The following ZSWIM5 variants were observed in gnomAD, a reference collection of about 807,000 sequenced individuals.
The protein encoded by ZSWIM5 is zinc finger SWIM-type containing 5.
A neutral mutation model predicts 119.6 loss-of-function variants in ZSWIM5; 55 were observed. The observed-to-expected ratio is 0.46, with a 90% CI of 0.37 to 0.58. The LOEUF (loss-of-function observed/expected upper bound fraction) is 0.58, where lower values mean the gene tolerates loss of function less well. Ranked by LOEUF, ZSWIM5 falls within the 20% of genes least tolerant of loss-of-function variation. ZSWIM5 has a pLI of 0.00. For synonymous variants in ZSWIM5, 537 were observed against 606.9 expected (o/e 0.88, Z 1.69); for missense variants, 1,193 against 1,512.8 (o/e 0.79, Z 3.51).
At chr1:45,044,648 C>T (rs1211105648) in intron 5 of ZSWIM5, among the ~76,000 whole-genome samples, 9 of 125,012 alleles carry the variant, frequency 7.2e-5, no homozygotes, top group Middle Eastern at 4.0e-3. Flanking sequence ...GGCGTGAACC[C>T]GGAAGGCGGA....
In ZSWIM5 at chr1:45,153,320, G is replaced by A. The variant is rs148106925; in HGVS notation, c.595+52436C>T. On this transcript the variant is annotated intron_variant, in intron 1 of 13. Coordinates refer to ENST00000359600, the MANE Select transcript of ZSWIM5 (RefSeq NM_020883.2). Reference sequence around the variant, plus strand: ...GCAGATTACCCGAGGTCAGAAGTTCGAGACCAGCCTGGCCAACATTGCGAA... The same window carrying A: ...GCAGATTACCCGAGGTCAGAAGTTCAAGACCAGCCTGGCCAACATTGCGAA... Among the ~76,000 whole-genome samples the A allele has an allele frequency of 7.2e-5, 11 of 151,748 alleles. No homozygotes were observed. The East Asian group carries it at 1.4e-3, about 19-fold the overall frequency.
At chr1:45,098,178 A>T (rs1473526262) in intron 1 of ZSWIM5, among the ~76,000 whole-genome samples, 1 of 152,172 alleles carries the variant, frequency 6.6e-6, no homozygotes, top group East Asian at 1.9e-4. Flanking sequence ...AAGAGAAAGA[A>T]GACCAGTGAC....
chr1:45,108,118 C>T (rs149131989), intron 1 of ZSWIM5, among the ~76,000 whole-genome samples: 2 of 152,292 alleles, frequency 1.3e-5, no homozygotes, highest in African/African-American at 4.8e-5. Context: ...TCCTTTTCAG[C>T]TCACAGATTT....
At chr1:45,114,758 G>A (rs887819142) in intron 1 of ZSWIM5, among the ~76,000 whole-genome samples, 1 of 151,956 alleles carries the variant, frequency 6.6e-6, no homozygotes, top group Non-Finnish European at 1.5e-5. Context: ...ATGTGAACAA[G>A]GGTCTCTGGT....
intron 8 of ZSWIM5, among the ~76,000 whole-genome samples, chr1:45,037,865 G>T (rs573134083): frequency 6.6e-6 from 1 of 152,136 alleles, no homozygotes; most frequent in African/African-American, 2.4e-5. Flanking sequence ...AAGTAAGCAC[G>T]GTTTAAAAGT....
At chr1:45,168,664 CA>C (rs1024002696) in intron 1 of ZSWIM5, among the ~76,000 whole-genome samples, 430 of 39,234 alleles carry the variant, frequency 0.011, no homozygotes, top group Non-Finnish European at 0.013. Flanking sequence ...GACTCCATCT[CA>C]AAAAAAAAAA....
intron 1 of ZSWIM5, among the ~76,000 whole-genome samples, chr1:45,183,645 C>G (rs1476377392): frequency 1.3e-5 from 2 of 152,158 alleles, no homozygotes; most frequent in African/African-American, 2.4e-5. Context: ...ACTAGAAAAT[C>G]TAGAAGAAAT....
At chr1:45,167,511 G>T (rs1295304187) in intron 1 of ZSWIM5, among the ~76,000 whole-genome samples, 11 of 152,096 alleles carry the variant, frequency 7.2e-5, no homozygotes, top group African/African-American at 2.6e-4. Context: ...CACAGCAAAA[G>T]AAACTACCAT....
At chr1:45,156,736 A>G (rs76652848) in intron 1 of ZSWIM5, among the ~76,000 whole-genome samples, 2 of 151,528 alleles carry the variant, frequency 1.3e-5, no homozygotes, top group Non-Finnish European at 2.9e-5. Context: ...AAAAAAAAAA[A>G]AAGAACACAC....
intron 4 of ZSWIM5, among the ~76,000 whole-genome samples, chr1:45,053,127 CAAAAAAAA>C (rs60199581): frequency 4.7e-4 from 58 of 122,176 alleles, no homozygotes; most frequent in South Asian, 1.8e-3. Flanking sequence ...CCGTCTCAAA[CAAAAAAAA>C]AAAAAAAAAG....
Position 45,043,199 on chromosome 1 carries a change from T to C in ZSWIM5, c.1609+20A>G, listed in dbSNP as rs1570014309. 3 of 1,611,486 alleles carry C rather than the reference T, an allele frequency of 1.9e-6. No homozygotes were observed. In the East Asian group the frequency reaches 6.7e-5, roughly 36 times the overall value. On this transcript the variant is annotated intron_variant, in intron 6 of 13. Transcript: ENST00000359600. ...GAAGTGAGGGTGGCTCTAAAGTTCT[T>C]AGAGGAGGGCTAGACTTACCAAGCC...
At chr1:45,171,648 GTATAAT>G (rs1231223021) in intron 1 of ZSWIM5, among the ~76,000 whole-genome samples, 1 of 151,892 alleles carries the variant, frequency 6.6e-6, no homozygotes, top group African/African-American at 2.4e-5. Context: ...AAGTGCAAAG[GTATAAT>G]TATAAAGAAA....
intron 1 of ZSWIM5, among the ~76,000 whole-genome samples, chr1:45,138,024 C>T (rs747193177): frequency 1.1e-4 from 16 of 152,100 alleles, no homozygotes; most frequent in Non-Finnish European, 1.9e-4. Flanking sequence ...TCCTCCAATA[C>T]TGGGGTTTAC....
chr1:45,045,445 C>T (rs540797118), intron 5 of ZSWIM5, among the ~76,000 whole-genome samples: 9 of 152,236 alleles, frequency 5.9e-5, no homozygotes, highest in Admixed American at 3.9e-4. Flanking sequence ...TTCAACCATT[C>T]GGGAAAAGTC....
chr1:45,102,212 C>G lies in ZSWIM5; in HGVS notation c.596-13975G>C, dbSNP rs533093169. 2.7e-4 allele frequency among the ~76,000 whole-genome samples: 41 copies of G among 152,280 alleles called. No homozygotes were observed. In the South Asian group the frequency reaches 8.1e-3, roughly 30 times the overall value. On this transcript the variant is annotated intron_variant, in intron 1 of 13. Transcript: ENST00000359600. Reference sequence around the variant, plus strand: ...TTCTTACAATATGATTTCTTTCTATCTCTTCAGACTTGCTTCATACCACTC... The same window carrying G: ...TTCTTACAATATGATTTCTTTCTATGTCTTCAGACTTGCTTCATACCACTC...
chr1:45,157,619 G>T (rs1645834869), intron 1 of ZSWIM5, among the ~76,000 whole-genome samples: 1 of 152,102 alleles, frequency 6.6e-6, no homozygotes, highest in African/African-American at 2.4e-5. Context: ...TCTAGTTTGG[G>T]ACTATTATGA....
intron 1 of ZSWIM5, among the ~76,000 whole-genome samples, chr1:45,146,836 A>G (rs1469815676): frequency 6.6e-6 from 1 of 152,136 alleles, no homozygotes; most frequent in African/African-American, 2.4e-5. Flanking sequence ...AGTACAGTCA[A>G]AGTAACTCCC....
intron 1 of ZSWIM5, among the ~76,000 whole-genome samples, chr1:45,091,259 A>G (rs1645362543): frequency 2.0e-5 from 3 of 152,192 alleles, no homozygotes; most frequent in African/African-American, 7.2e-5. Context: ...AGAAGTATGT[A>G]GTACATTGTT....
At chr1:45,179,316 C>T (rs1167721652) in intron 1 of ZSWIM5, among the ~76,000 whole-genome samples, 3 of 152,056 alleles carry the variant, frequency 2.0e-5, no homozygotes, top group African/African-American at 7.2e-5. Flanking sequence ...ACCTGGAAAC[C>T]ATTATGCTAT....
Sources: gnomAD v4.1 joint callset for allele counts (sites outside exome capture counted in the v4.1 genomes callset) on GRCh38, gnomAD v4.1.1 for gene constraint, MANE v1.5 for transcripts, NCBI Gene and HGNC (gene_info 2026-07-23, HGNC 2026-07-21) for gene names.